The following CNTN4 variants were observed in gnomAD, a reference collection of about 807,000 sequenced individuals.
CNTN4 encodes contactin 4, also known as contactin-4.
CNTN4 carries 77 observed loss-of-function variants against 122.5 expected under a neutral mutation model. That is an observed-to-expected ratio of 0.63 (90% confidence interval 0.52 to 0.76). The LOEUF (loss-of-function observed/expected upper bound fraction) is 0.76, where lower values mean the gene tolerates loss of function less well. Among genes scored for constraint, CNTN4 ranks in the 30% least tolerant of loss-of-function variants. The pLI is 0.00. For missense variants in CNTN4, 1,256 were observed against 1,259.1 expected, an observed-to-expected ratio of 1.00 and a Z score of 0.04; for synonymous variants, 512 against 447.0, an observed-to-expected ratio of 1.15 and a Z score of -1.83.
Position 3,043,008 on chromosome 3 carries a change from A to G in CNTN4, c.2543A>G (p.Glu848Gly), listed in dbSNP as rs1166376209. 6.2e-7 allele frequency: 1 copy of G among 1,614,136 alleles called. No individual in the cohort carries two copies. Among genetic ancestry groups the G allele is most frequent in the Admixed American group, 1.7e-5 (1 of 60,026 alleles). ...VKYWRHEDKE[E>G]NARKIRTVGN... ...TATTGGAGACATGAAGACAAAGAAG[A>G]AAATGCTAGAAAAATACGAACAGTT... Residue 848 changes from glutamate to glycine, a missense_variant, in exon 22 of 25, where the codon GAA (glutamate) becomes GGA (glycine). Glu to Gly is a moderately conservative substitution (Grantham distance 98). Transcript: ENST00000418658.
chr3:2,155,596 C>T (rs952691155), intron 2 of CNTN4, among the ~76,000 whole-genome samples: 2 of 152,168 alleles, frequency 1.3e-5, no homozygotes, highest in Non-Finnish European at 2.9e-5. Context: ...AGCTATGTCG[C>T]CAGTGGGCAC....
chr3:2,547,150 G>A (rs922384462), intron 3 of CNTN4, among the ~76,000 whole-genome samples: 1 of 152,110 alleles, frequency 6.6e-6, no homozygotes, highest in Non-Finnish European at 1.5e-5. Context: ...TGGGTAGCTG[G>A]AAGAACATGG....
intron 6 of CNTN4, among the ~76,000 whole-genome samples, chr3:2,749,963 A>G (rs2090010239): frequency 6.6e-6 from 1 of 152,220 alleles, no homozygotes; most frequent in Admixed American, 6.5e-5. Flanking sequence ...TTGAAGGAAA[A>G]AAAAATGTTG....
chr3:3,001,035 A>G (rs1432251109), intron 14 of CNTN4, among the ~76,000 whole-genome samples: 1 of 152,062 alleles, frequency 6.6e-6, no homozygotes, highest in Non-Finnish European at 1.5e-5. Context: ...CTATTTAATC[A>G]TATGTTGGGA....
At chr3:2,437,682 C>T (rs2048303016) in intron 3 of CNTN4, among the ~76,000 whole-genome samples, 1 of 152,104 alleles carries the variant, frequency 6.6e-6, no homozygotes, top group African/African-American at 2.4e-5. Flanking sequence ...GGCTCTGAAG[C>T]CATTTTTTAA....
intron 2 of CNTN4, among the ~76,000 whole-genome samples, chr3:2,155,592 G>T (rs1333900507): frequency 6.6e-6 from 1 of 152,212 alleles, no homozygotes; most frequent in Non-Finnish European, 1.5e-5. Context: ...TTTCAGCTAT[G>T]TCGCCAGTGG....
chr3:2,617,696 C>G (rs1353110687), intron 4 of CNTN4, among the ~76,000 whole-genome samples: 1 of 152,022 alleles, frequency 6.6e-6, no homozygotes, highest in African/African-American at 2.4e-5. Context: ...GCTGGGATTA[C>G]AGGTGTGAGC....
At chr3:2,916,897 G>T (rs2094366837) in intron 12 of CNTN4, among the ~76,000 whole-genome samples, 1 of 150,578 alleles carries the variant, frequency 6.6e-6, no homozygotes, top group Non-Finnish European at 1.5e-5. Context: ...TCCTAGACGG[G>T]GTGGCGGCCG....
chr3:2,607,022 A>C (rs2081286311), intron 4 of CNTN4, among the ~76,000 whole-genome samples: 1 of 152,120 alleles, frequency 6.6e-6, no homozygotes, highest in Non-Finnish European at 1.5e-5. Context: ...ACAGTCTCCT[A>C]TCCCCAGGTT....
chr3:2,202,479 G>A (rs2038144956), intron 2 of CNTN4, among the ~76,000 whole-genome samples: 1 of 152,126 alleles, frequency 6.6e-6, no homozygotes. Flanking sequence ...TTTGTAACTG[G>A]ATTTGAAACC....
At chr3:2,697,794 C>T (rs1355398023) in intron 4 of CNTN4, among the ~76,000 whole-genome samples, 1 of 152,100 alleles carries the variant, frequency 6.6e-6, no homozygotes, top group African/African-American at 2.4e-5. Context: ...ACAGGGCAGG[C>T]TGGCAGTCTG....
At chr3:2,133,865 T>C (rs556013129) in intron 2 of CNTN4, among the ~76,000 whole-genome samples, 2 of 152,178 alleles carry the variant, frequency 1.3e-5, no homozygotes, top group Non-Finnish European at 2.9e-5. Flanking sequence ...TTATTAAGAG[T>C]CATTTTCCAG....
chr3:3,052,709 AC>A (rs2125901579), intron 23 of CNTN4, among the ~76,000 whole-genome samples: 1 of 152,210 alleles, frequency 6.6e-6, no homozygotes, highest in East Asian at 1.9e-4. Context: ...CAAACTCAGA[AC>A]CCATGGGGGG....
intron 3 of CNTN4, among the ~76,000 whole-genome samples, chr3:2,430,616 CAAAAA>C (rs10662868): frequency 5.8e-5 from 6 of 103,348 alleles, no homozygotes; most frequent in East Asian, 2.8e-4. Context: ...AGCAAATTAC[CAAAAA>C]AAAAAAAAAA....
At chr3:2,698,429 C>G (rs578083458) in intron 4 of CNTN4, among the ~76,000 whole-genome samples, 1 of 152,090 alleles carries the variant, frequency 6.6e-6, no homozygotes, top group South Asian at 2.1e-4. Flanking sequence ...TGACTTCATG[C>G]GGACCACGCC....
At chr3:2,306,475 T>C (rs1666349) in intron 2 of CNTN4, among the ~76,000 whole-genome samples, 72,668 of 151,760 alleles carry the variant, frequency 0.48, 18,140 homozygotes, top group African/African-American at 0.62. Flanking sequence ...AATTTTTGTC[T>C]ATTTTTTAAC....
intron 2 of CNTN4, among the ~76,000 whole-genome samples, chr3:2,161,764 C>T (rs1296763810): frequency 6.6e-6 from 1 of 152,108 alleles, no homozygotes; most frequent in Non-Finnish European, 1.5e-5. Context: ...ATACTAGGAG[C>T]CAGTATAGTT....
At chr3:2,440,750 ATG>A (rs1384253252) in intron 3 of CNTN4, among the ~76,000 whole-genome samples, 7 of 150,470 alleles carry the variant, frequency 4.7e-5, no homozygotes, top group Admixed American at 2.7e-4. Flanking sequence ...GAATGAATAT[ATG>A]TGTGAATATA....
Position 2,466,353 on chromosome 3 carries a change from G to GT in CNTN4, c.-88-105062dup, listed in dbSNP as rs1426588370. ...AAAGTATGCATATGTGAAACAAAAC[G>GT]TAAGTGTTTGTCGCTGCTCTTAACT... is the stretch of plus-strand genomic sequence containing the variant. On this transcript the variant is annotated intron_variant, in intron 3 of 24. Transcript: ENST00000418658. 5.9e-5 allele frequency among the ~76,000 whole-genome samples: 9 copies of GT among 152,264 alleles called. No individual in the cohort carries two copies. The South Asian group carries it at 1.5e-3, about 25-fold the overall frequency.
Sources: allele counts gnomAD v4.1 joint callset (sites outside exome capture counted in the v4.1 genomes callset), GRCh38; gene constraint gnomAD v4.1.1; transcripts MANE v1.5; gene names NCBI Gene and HGNC (gene_info 2026-07-23, HGNC 2026-07-21).